Variants in HAPLN1 observed in about 807,000 individuals in gnomAD.
HAPLN1 encodes hyaluronan and proteoglycan link protein 1, also known as Cartilage link protein.
Under a neutral mutation model 36.5 loss-of-function variants are expected in HAPLN1, and 13 were observed. The observed-to-expected ratio is 0.36, with a 90% CI of 0.23 to 0.57. The LOEUF is 0.57. Among genes scored for constraint, HAPLN1 ranks in the 20% least tolerant of loss-of-function variants. The probability of loss-of-function intolerance (pLI) is 0.83; values close to 1 mark genes in which losing one functional copy is unlikely to be tolerated. For synonymous variants in HAPLN1, 202 were observed against 169.8 expected, an observed-to-expected ratio of 1.19 and a Z score of -1.48; for missense variants, 407 against 439.7, an observed-to-expected ratio of 0.93 and a Z score of 0.66.
At chr5:83,704,274 G>A (rs1751579113) in intron 1 of HAPLN1, among the ~76,000 whole-genome samples, 1 of 152,078 alleles carries the variant, frequency 6.6e-6, no homozygotes, top group Admixed American at 6.5e-5. Context: ...GTATGGCAAG[G>A]AAAGACTGCT....
chr5:83,659,638 C>A (rs1724182648), intron 2 of HAPLN1, among the ~76,000 whole-genome samples: 1 of 151,908 alleles, frequency 6.6e-6, no homozygotes, highest in African/African-American at 2.4e-5. Context: ...TAGACAAGAA[C>A]CTTTTATCTA....
At chr5:83,712,304 G>C (rs962096807) in intron 1 of HAPLN1, among the ~76,000 whole-genome samples, 2 of 151,886 alleles carry the variant, frequency 1.3e-5, no homozygotes, top group African/African-American at 2.4e-5. Context: ...CTGAATGTAT[G>C]GTCCTTAATT....
chr5:83,713,946 C>T (rs1254206843), intron 1 of HAPLN1, among the ~76,000 whole-genome samples: 1 of 152,100 alleles, frequency 6.6e-6, no homozygotes, highest in African/African-American at 2.4e-5. Context: ...TAGTGATTAT[C>T]ATTTACATCT....
chr5:83,672,096 T>C (rs1474502073), intron 2 of HAPLN1, among the ~76,000 whole-genome samples: 1 of 152,218 alleles, frequency 6.6e-6, no homozygotes, highest in East Asian at 1.9e-4. Context: ...TTAAATGGTT[T>C]GTACACAATT....
chr5:83,645,209 G>A (rs977050859), intron 3 of HAPLN1, among the ~76,000 whole-genome samples: 7 of 152,040 alleles, frequency 4.6e-5, no homozygotes, highest in Non-Finnish European at 1.0e-4. Flanking sequence ...GTTTTATGTA[G>A]TCTTTTAAAT....
At chr5:83,708,962 C>G (rs941496338) in intron 1 of HAPLN1, among the ~76,000 whole-genome samples, 2 of 152,226 alleles carry the variant, frequency 1.3e-5, no homozygotes, top group African/African-American at 4.8e-5. Flanking sequence ...CTACAACCTT[C>G]CCTCCAAGGT....
chr5:83,673,695 C>T (rs1750789538), intron 1 of HAPLN1, 146 bp from the exon 2 acceptor site: 3 of 575,012 alleles, frequency 5.2e-6, no homozygotes, highest in Non-Finnish European at 6.1e-6. Flanking sequence ...CTGTAGCTGC[C>T]TTTAAGAGCC....
At position 83,652,583 on chromosome 5, in the gene HAPLN1, C is replaced by A; in HGVS notation, c.342G>T (p.Leu114=). The change falls in exon 3 of 5, where the codon CTG becomes CTT. Residue 114 remains leucine, a synonymous_variant. Coordinates refer to ENST00000274341, the MANE Select transcript of HAPLN1 (RefSeq NM_001884.4). The part of the protein sequence containing the change: ...TYGGYQGRVF[L]KGGSDSDASL... Reference sequence around the variant, plus strand: ...AAGCATCACTATCACTGCCTCCCTTCAGAAACACTCTACCCTGGTAGCCTC... The same window carrying A: ...AAGCATCACTATCACTGCCTCCCTTAAGAAACACTCTACCCTGGTAGCCTC... 6.2e-7 allele frequency: 1 copy of A among 1,614,180 alleles called. No homozygotes were observed. Among genetic ancestry groups the A allele is most frequent in the East Asian group, 2.2e-5 (1 of 44,878 alleles).
intron 1 of HAPLN1, among the ~76,000 whole-genome samples, chr5:83,677,799 C>T (rs1750892770): frequency 6.6e-6 from 1 of 152,178 alleles, no homozygotes; most frequent in African/African-American, 2.4e-5. Context: ...CTGCCTCAAA[C>T]TTGATTGATC....
intron 1 of HAPLN1, among the ~76,000 whole-genome samples, chr5:83,687,893 CA>C (rs1751170506): frequency 6.6e-6 from 1 of 152,098 alleles, no homozygotes; most frequent in African/African-American, 2.4e-5. Flanking sequence ...ACTGAAACAT[CA>C]AAAGGCTGTT....
At chr5:83,668,942 T>A (rs979020508) in intron 2 of HAPLN1, among the ~76,000 whole-genome samples, 5 of 152,172 alleles carry the variant, frequency 3.3e-5, no homozygotes, top group African/African-American at 1.2e-4. Flanking sequence ...TAGACTTTAT[T>A]TTTTTCTACT....
intron 2 of HAPLN1, among the ~76,000 whole-genome samples, chr5:83,653,429 T>A (rs1046923377): frequency 6.6e-6 from 1 of 152,220 alleles, no homozygotes; most frequent in African/African-American, 2.4e-5. Flanking sequence ...AATATGTATT[T>A]TGTTTTCACA....
intron 1 of HAPLN1, among the ~76,000 whole-genome samples, chr5:83,706,012 C>T (rs1751639196): frequency 6.6e-6 from 1 of 151,432 alleles, no homozygotes; most frequent in South Asian, 2.1e-4. Context: ...AAACATGCAC[C>T]CTCCTAGAAC....
chr5:83,675,367 A>G (rs958145436), intron 1 of HAPLN1: 25 of 152,146 alleles, frequency 1.6e-4, no homozygotes, highest in African/African-American at 5.6e-4. Flanking sequence ...AAGAAGGTGT[A>G]TAATTTAACA....
chr5:83,707,923 G>A (rs61497026), intron 1 of HAPLN1, among the ~76,000 whole-genome samples: 4,944 of 152,262 alleles, frequency 0.032, 297 homozygotes, highest in African/African-American at 0.11. Context: ...AGAATTTTCC[G>A]AAGAAGGCAT....
At chr5:83,697,747 A>C (rs1470483619) in intron 1 of HAPLN1, among the ~76,000 whole-genome samples, 1 of 152,140 alleles carries the variant, frequency 6.6e-6, no homozygotes, top group Non-Finnish European at 1.5e-5. Flanking sequence ...GTATGAAGTG[A>C]TATCTCATTA....
At chr5:83,666,326 G>A (rs867009941) in intron 2 of HAPLN1, among the ~76,000 whole-genome samples, 1 of 152,076 alleles carries the variant, frequency 6.6e-6, no homozygotes, top group Non-Finnish European at 1.5e-5. Context: ...CTGAGTCAAG[G>A]TTCTTGTAGA....
In HAPLN1 at chr5:83,641,745, A is replaced by G. The variant is rs769933120; in HGVS notation, c.816T>C (p.Tyr272=). The G allele has an allele frequency of 3.8e-5, 61 of 1,613,986 alleles. No homozygotes were observed. Among genetic ancestry groups the G allele is most frequent in the Non-Finnish European group, 4.8e-5 (57 of 1,179,994 alleles). The change falls in exon 5 of 5, where the codon TAT becomes TAC. Residue 272 remains tyrosine, a synonymous_variant. Transcript: ENST00000274341. ...TGAGACAAGCTTGCACCGCTTCATC[A>G]TAGGTCAGTTTGGTGGGGTGGATCA... ...YYLIHPTKLT[Y]DEAVQACLND... is the part of the protein sequence containing the mutation.
Position 83,673,556 on chromosome 5 carries a change from G to A in HAPLN1, c.-26-7C>T, listed in dbSNP as rs762610166. ...GCCCAAAGAATCTTCTTCACTGCGA[G>A]AGCATCACATACAAAGAGGCTTGTG... On this transcript the variant is annotated splice_polypyrimidine_tract_variant and splice_region_variant and intron_variant, in intron 1 of 4. Transcript: ENST00000274341. The A allele has an allele frequency of 6.8e-6, 10 of 1,473,214 alleles. 1 individual carries two copies. In the East Asian group the frequency reaches 6.8e-5, roughly 10 times the overall value. 91.3% of individuals were successfully genotyped at this position (1,473,214 alleles called of 1,614,324 possible). A position where few individuals can be genotyped will look rare whatever the true frequency, so the allele number is the denominator to read the frequency against.
Sources: allele counts gnomAD v4.1 joint callset (sites outside exome capture counted in the v4.1 genomes callset), GRCh38; gene constraint gnomAD v4.1.1; transcripts MANE v1.5; gene names NCBI Gene and HGNC (gene_info 2026-07-23, HGNC 2026-07-21).